The following LSAMP variants were observed in gnomAD, a reference collection of about 807,000 sequenced individuals.
LSAMP encodes the protein limbic system-associated membrane protein.
A neutral mutation model predicts 38.6 loss-of-function variants in LSAMP; 7 were observed. The ratio of observed to expected loss-of-function variants is 0.18; its 90% CI spans 0.10 to 0.34. LSAMP has a LOEUF of 0.34. LSAMP is among the 10% of genes least tolerant of loss of function. The pLI is 1.00. For synonymous variants in LSAMP, 154 were observed against 166.8 expected (o/e 0.92, Z 0.59); for missense variants, 313 against 420.0 (o/e 0.75, Z 2.23).
chr3:115,858,646 C>T (rs1459036710), intron 3 of LSAMP, among the ~76,000 whole-genome samples: 1 of 152,066 alleles, frequency 6.6e-6, no homozygotes, highest in Non-Finnish European at 1.5e-5. Context: ...GCTGTAAACA[C>T]ACTAGCTATA....
intron 4 of LSAMP, among the ~76,000 whole-genome samples, chr3:115,850,956 T>C (rs1434583384): frequency 7.9e-6 from 1 of 127,384 alleles, no homozygotes; most frequent in Non-Finnish European, 1.6e-5. Flanking sequence ...AAACAACAAA[T>C]ATAAATCTCT....
chr3:116,195,691 G>C lies in LSAMP; in HGVS notation c.156-109135C>G, dbSNP rs561819552. ...AATATATTTTTAAAAAACTGTTCTA[G>C]GATAAAAGTCTTTTAGAAAAAAAAA... On this transcript the variant is annotated intron_variant, in intron 1 of 6. Transcript: ENST00000490035. Among the ~76,000 whole-genome samples, 11 of 144,610 alleles carry C rather than the reference G, an allele frequency of 7.6e-5. No homozygotes were observed. The South Asian group carries it at 1.6e-3, about 21-fold the overall frequency. 94.9% of individuals were successfully genotyped at this position (144,610 alleles called of 152,430 possible). A position where few individuals can be genotyped will look rare whatever the true frequency, so the allele number is the denominator to read the frequency against.
At chr3:116,270,724 C>A (rs1315655236) in intron 1 of LSAMP, among the ~76,000 whole-genome samples, 1 of 151,998 alleles carries the variant, frequency 6.6e-6, no homozygotes, top group Non-Finnish European at 1.5e-5. Context: ...TCTAAGGGCT[C>A]CCTGTTTATC....
intron 3 of LSAMP, among the ~76,000 whole-genome samples, chr3:115,910,826 A>G (rs1339301111): frequency 1.3e-5 from 2 of 152,186 alleles, no homozygotes; most frequent in Non-Finnish European, 2.9e-5. Flanking sequence ...TTTTTCTTTC[A>G]GCATAAGTCA....
chr3:116,010,135 TC>T (rs1307998528), intron 3 of LSAMP, among the ~76,000 whole-genome samples: 1 of 152,176 alleles, frequency 6.6e-6, no homozygotes, highest in African/African-American at 2.4e-5. Context: ...CAGCCTGGTC[TC>T]GAACTCCTGA....
chr3:115,955,623 G>C (rs913165983), intron 3 of LSAMP, among the ~76,000 whole-genome samples: 2 of 151,996 alleles, frequency 1.3e-5, no homozygotes, highest in Non-Finnish European at 2.9e-5. Flanking sequence ...GGTAAAGAAG[G>C]GTCTGCTAGC....
At chr3:115,825,687 T>C (rs1934384660) in intron 6 of LSAMP, among the ~76,000 whole-genome samples, 1 of 152,236 alleles carries the variant, frequency 6.6e-6, no homozygotes. Flanking sequence ...CTCTAACCTT[T>C]ATTTTTATTT....
At chr3:115,848,032 G>T (rs535852300) in intron 4 of LSAMP, among the ~76,000 whole-genome samples, 1 of 138,596 alleles carries the variant, frequency 7.2e-6, no homozygotes, top group Admixed American at 7.7e-5. Context: ...TTCCTCTGAA[G>T]ACCTCATAAT....
At chr3:116,190,436 A>G (rs1481219231) in intron 1 of LSAMP, among the ~76,000 whole-genome samples, 2 of 151,552 alleles carry the variant, frequency 1.3e-5, no homozygotes, top group Non-Finnish European at 2.9e-5. Flanking sequence ...AACACTTAAG[A>G]CTTTTTTTTT....
intron 1 of LSAMP, among the ~76,000 whole-genome samples, chr3:116,198,639 C>T (rs1254931531): frequency 6.6e-6 from 1 of 151,866 alleles, no homozygotes; most frequent in Non-Finnish European, 1.5e-5. Flanking sequence ...GGCTTCGTAG[C>T]GGGCAGCTGT....
chr3:116,203,649 G>C lies in LSAMP; in HGVS notation c.156-117093C>G, dbSNP rs1407250302. The stretch of plus-strand genomic sequence containing the variant: ...CCACCTATGAGTGAGAATATGCGGT[G>C]TTTGGTTTTTTTGTTCTTGCGATAG... On this transcript the variant is annotated intron_variant, in intron 1 of 6. Coordinates refer to ENST00000490035, the MANE Select transcript of LSAMP (RefSeq NM_002338.5). 2.7e-5 allele frequency among the ~76,000 whole-genome samples: 4 copies of C among 149,298 alleles called. No individual in the cohort carries two copies. The South Asian group carries it at 8.5e-4, about 32-fold the overall frequency.
At chr3:116,252,995 T>C (rs1005393002) in intron 1 of LSAMP, among the ~76,000 whole-genome samples, 6 of 152,318 alleles carry the variant, frequency 3.9e-5, no homozygotes, top group African/African-American at 1.4e-4. Flanking sequence ...TCCAGCCCTT[T>C]CTGGACTTCT....
At chr3:115,979,917 T>C (rs1939308716) in intron 3 of LSAMP, among the ~76,000 whole-genome samples, 1 of 152,144 alleles carries the variant, frequency 6.6e-6, no homozygotes, top group Non-Finnish European at 1.5e-5. Context: ...GTGAGGCTTA[T>C]AATTTTTCTG....
Position 116,445,428 on chromosome 3 carries a change from G to A in LSAMP, c.-397C>T. The stretch of plus-strand genomic sequence containing the variant: ...AACCCACTTTCCCAGGCTGGCGGGC[G>A]GGCGGGCGAGGGAGCCGGCACCAAG... On this transcript the variant is annotated 5_prime_UTR_variant, in exon 1 of 7. Transcript: ENST00000490035. 1 of 446,206 alleles carries A rather than the reference G, an allele frequency of 2.2e-6. No individual in the cohort carries two copies. 27.6% of individuals were successfully genotyped at this position (446,206 alleles called of 1,614,324 possible). A position where few individuals can be genotyped will look rare whatever the true frequency, so the allele number is the denominator to read the frequency against.
At chr3:116,013,162 AG>A (rs1940381214) in intron 3 of LSAMP, among the ~76,000 whole-genome samples, 2 of 152,302 alleles carry the variant, frequency 1.3e-5, no homozygotes, top group South Asian at 4.1e-4. Context: ...ACACGTGTGT[AG>A]GGTAGGAGTG....
intron 2 of LSAMP, among the ~76,000 whole-genome samples, chr3:116,041,796 C>CAAAAAA (rs148805855): frequency 3.5e-5 from 2 of 57,102 alleles, no homozygotes; most frequent in African/African-American, 9.0e-5. Flanking sequence ...TGAAAGCATG[C>CAAAAAA]AAAAAAAAAC....
chr3:116,106,486 T>C (rs923943687), intron 1 of LSAMP, among the ~76,000 whole-genome samples: 1 of 152,092 alleles, frequency 6.6e-6, no homozygotes, highest in Non-Finnish European at 1.5e-5. Context: ...TGAGGACAGG[T>C]CTGACTTCTG....
At chr3:115,870,685 G>A (rs1036331918) in intron 3 of LSAMP, among the ~76,000 whole-genome samples, 1 of 152,084 alleles carries the variant, frequency 6.6e-6, no homozygotes, top group African/African-American at 2.4e-5. Context: ...CCTTTGCTCT[G>A]GCCTCAACAA....
In LSAMP at chr3:116,175,695, T is replaced by C. The variant is rs1438631659; in HGVS notation, c.156-89139A>G. ...TTAAATCATACATATTTATATCTTA[T>C]AATCTTTCCCTTTTTTTTCTTAAAA... is the stretch of plus-strand genomic sequence containing the variant. On this transcript the variant is annotated intron_variant, in intron 1 of 6. Coordinates refer to ENST00000490035, the MANE Select transcript of LSAMP (RefSeq NM_002338.5). Among the ~76,000 whole-genome samples the C allele has an allele frequency of 4.6e-5, 7 of 152,214 alleles. No homozygotes were observed. In the South Asian group the frequency reaches 8.3e-4, roughly 18 times the overall value.
Sources: allele counts gnomAD v4.1 joint callset (sites outside exome capture counted in the v4.1 genomes callset), GRCh38; gene constraint gnomAD v4.1.1; transcripts MANE v1.5; gene names NCBI Gene and HGNC (gene_info 2026-07-23, HGNC 2026-07-21).